The following THADA variants were observed in gnomAD, a reference collection of about 807,000 sequenced individuals.
THADA encodes tRNA (32-2'-O)-methyltransferase regulator THADA.
THADA carries 213 observed loss-of-function variants against 219.8 expected under a neutral mutation model. The observed-to-expected ratio is 0.97, with a 90% CI of 0.87 to 1.09. THADA has a LOEUF of 1.09. THADA is among the 50% of genes least tolerant of loss of function. THADA has a pLI of 0.00. For missense variants in THADA, 2,956 were observed against 2,311.3 expected (o/e 1.28, Z -5.72); for synonymous variants, 1,018 against 828.9 (o/e 1.23, Z -3.92).
At chr2:43,462,084 C>T (rs2104932104) in intron 26 of THADA, among the ~76,000 whole-genome samples, 1 of 152,238 alleles carries the variant, frequency 6.6e-6, no homozygotes, top group South Asian at 2.1e-4. Flanking sequence ...GGATTTCGGG[C>T]TGCATTTTAT....
At chr2:43,381,603 C>G (rs1189478278) in intron 29 of THADA, among the ~76,000 whole-genome samples, 1 of 147,906 alleles carries the variant, frequency 6.8e-6, no homozygotes, top group African/African-American at 2.5e-5. Context: ...TTTTTTCCGA[C>G]GGAGTCTCAC....
At chr2:43,480,677 G>C (rs1037237761) in intron 26 of THADA, among the ~76,000 whole-genome samples, 1 of 151,912 alleles carries the variant, frequency 6.6e-6, no homozygotes, top group African/African-American at 2.4e-5. Flanking sequence ...AATTAGCCAG[G>C]TGTGGTAGTG....
At chr2:43,297,371 C>G (rs1471366542) in intron 31 of THADA, among the ~76,000 whole-genome samples, 7 of 89,826 alleles carry the variant, frequency 7.8e-5, no homozygotes, top group Non-Finnish European at 1.4e-4. Context: ...AGTGAGGAGC[C>G]TCTCTGCCCG....
intron 29 of THADA, among the ~76,000 whole-genome samples, chr2:43,384,060 G>A (rs570692200): frequency 2.2e-4 from 33 of 152,074 alleles, no homozygotes; most frequent in Non-Finnish European, 3.1e-4. Context: ...AACTTACTAT[G>A]ATCAGTGCAG....
intron 26 of THADA, among the ~76,000 whole-genome samples, chr2:43,438,768 G>A (rs1387588861): frequency 1.3e-5 from 2 of 152,162 alleles, no homozygotes; most frequent in African/African-American, 4.8e-5. Context: ...GGATAGCACT[G>A]AACTGTGTAT....
chr2:43,282,746 T>A (rs1383637102), intron 35 of THADA, among the ~76,000 whole-genome samples: 6 of 152,156 alleles, frequency 3.9e-5, no homozygotes, highest in Non-Finnish European at 7.4e-5. Flanking sequence ...TAAAAAATTT[T>A]AAAAAAAGAA....
chr2:43,351,136 C>A (rs994808997), intron 29 of THADA, among the ~76,000 whole-genome samples: 6 of 152,172 alleles, frequency 3.9e-5, no homozygotes, highest in African/African-American at 1.4e-4. Context: ...CTGGTCTCTG[C>A]CTCCAGCACT....
intron 29 of THADA, among the ~76,000 whole-genome samples, chr2:43,387,987 C>T (rs953957328): frequency 6.6e-6 from 1 of 152,324 alleles, no homozygotes; most frequent in East Asian, 1.9e-4. Context: ...ATTGGCTATA[C>T]TCAACCACAG....
At chr2:43,579,365 A>G (rs918830260) in intron 8 of THADA, among the ~76,000 whole-genome samples, 1 of 152,240 alleles carries the variant, frequency 6.6e-6, no homozygotes, top group East Asian at 1.9e-4. Context: ...TGCTAATTAC[A>G]AACTTTGCTA....
chr2:43,443,594 T>A (rs920272645), intron 26 of THADA, among the ~76,000 whole-genome samples: 3 of 152,128 alleles, frequency 2.0e-5, no homozygotes, highest in Admixed American at 6.5e-5. Flanking sequence ...ATAAAAGTGA[T>A]AGCCAAAAAG....
chr2:43,363,820 G>A (rs1260178828), intron 29 of THADA, among the ~76,000 whole-genome samples: 1 of 152,216 alleles, frequency 6.6e-6, no homozygotes, highest in Non-Finnish European at 1.5e-5. Flanking sequence ...AGCCACTCGG[G>A]AGGCTGAGGT....
At chr2:43,249,199 C>T (rs990566176) in intron 36 of THADA, among the ~76,000 whole-genome samples, 1 of 152,042 alleles carries the variant, frequency 6.6e-6, no homozygotes, top group Non-Finnish European at 1.5e-5. Context: ...GTGATCTTCC[C>T]ACCTCAGTCT....
chr2:43,479,628 T>G (rs1416000653), intron 26 of THADA, among the ~76,000 whole-genome samples: 1 of 151,118 alleles, frequency 6.6e-6, no homozygotes, highest in Non-Finnish European at 1.5e-5. Flanking sequence ...AAAAAAAAAG[T>G]TAACTTCTTG....
chr2:43,294,023 T>C (rs1488790779), intron 31 of THADA, among the ~76,000 whole-genome samples: 1 of 152,218 alleles, frequency 6.6e-6, no homozygotes, highest in Non-Finnish European at 1.5e-5. Context: ...CCCTTCTTTT[T>C]TGACGTGGTC....
chr2:43,543,645 A>T (rs1054685377), intron 20 of THADA, among the ~76,000 whole-genome samples: 7 of 152,028 alleles, frequency 4.6e-5, no homozygotes, highest in Non-Finnish European at 8.8e-5. Flanking sequence ...GCATTTTTTC[A>T]TGTGTTTTCT....
At chr2:43,500,609 A>G (rs1054695487) in intron 24 of THADA, among the ~76,000 whole-genome samples, 1 of 152,210 alleles carries the variant, frequency 6.6e-6, no homozygotes, top group Non-Finnish European at 1.5e-5. Flanking sequence ...ATAAAATTCA[A>G]TTTCCTTAAT....
chr2:43,544,295 A>C (rs190246399), intron 20 of THADA, among the ~76,000 whole-genome samples: 222 of 152,262 alleles, frequency 1.5e-3, no homozygotes, highest in Non-Finnish European at 2.4e-3. Flanking sequence ...GCATAGTTTG[A>C]AGTCAGGTAG....
At chr2:43,445,441 G>A (rs1015815333) in intron 26 of THADA, among the ~76,000 whole-genome samples, 5 of 152,142 alleles carry the variant, frequency 3.3e-5, no homozygotes, top group African/African-American at 1.2e-4. Context: ...ACAAAACAAT[G>A]AGTGATCAGA....
intron 36 of THADA, among the ~76,000 whole-genome samples, chr2:43,245,633 G>A (rs900081978): frequency 7.2e-5 from 11 of 152,244 alleles, no homozygotes; most frequent in African/African-American, 2.6e-4. Context: ...GCTTCAGGTG[G>A]GAGAGAGGAA....
Sources: allele counts gnomAD v4.1 joint callset (sites outside exome capture counted in the v4.1 genomes callset), GRCh38; gene constraint gnomAD v4.1.1; transcripts MANE v1.5; gene names NCBI Gene and HGNC (gene_info 2026-07-23, HGNC 2026-07-21).